Variants in SLC15A5 observed in about 807,000 individuals in gnomAD.
SLC15A5 encodes the protein solute carrier family 15 member 5, also known as Peptide/histidine transporter ENSP00000340402.
In SLC15A5, 58 loss-of-function variants were observed where a neutral mutation model predicts 56.1. The observed-to-expected ratio is 1.03, with a 90% CI of 0.84 to 1.29. SLC15A5 has a LOEUF of 1.29. Ranked by LOEUF, SLC15A5 falls within the 50% of genes most tolerant of loss-of-function variation. SLC15A5 has a pLI of 0.00. For synonymous variants in SLC15A5, 264 were observed against 250.5 expected, an observed-to-expected ratio of 1.05 and a Z score of -0.51; for missense variants, 681 against 672.1, an observed-to-expected ratio of 1.01 and a Z score of -0.15.
Position 16,224,432 on chromosome 12 carries a change from T to C in SLC15A5, c.1333A>G (p.Thr445Ala), listed in dbSNP as rs1367476491. Residue 445 changes from threonine to alanine, a missense_variant, in exon 6 of 9, where the codon ACA becomes GCA. By Grantham distance (58) the Thr-to-Ala change is moderately conservative. Coordinates refer to ENST00000344941, the MANE Select transcript of SLC15A5 (RefSeq NM_001170798.1). ...TACTCACGGGCTGGGTTTACCAGTG[T>C]TTCCGCCACTCCAAGTAAAACATAC... ...LQYVLLGVAE[T>A]LVNPALSVIS... The C allele has an allele frequency of 9.1e-6, 14 of 1,537,050 alleles. No individual in the cohort carries two copies. The highest frequency in any genetic ancestry group is 2.0e-5 in the Admixed American group (1 of 50,958).
intron 7 of SLC15A5, among the ~76,000 whole-genome samples, chr12:16,215,062 G>A (rs1474051081): frequency 1.3e-5 from 2 of 152,048 alleles, no homozygotes; most frequent in African/African-American, 4.8e-5. Flanking sequence ...AATTAGCTGG[G>A]TGTGGTGGTG....
intron 7 of SLC15A5, among the ~76,000 whole-genome samples, chr12:16,201,187 C>T (rs1354786822): frequency 1.3e-5 from 2 of 152,086 alleles, no homozygotes; most frequent in Non-Finnish European, 2.9e-5. Context: ...TAAAAAGAGA[C>T]ATTAAGATCC....
rs1370131148 is a variant in SLC15A5, at chr12:16,244,745, G to A, written c.810C>T (p.His270=). 1.3e-6 allele frequency: 2 copies of A among 1,537,602 alleles called. No homozygotes were observed. Among genetic ancestry groups the A allele is most frequent in the Admixed American group, 2.0e-5 (1 of 50,986 alleles). ...CTCTGCCAAGATGGCAGTATTGCGGGTGGCATGTTTTCAGTGCACTAACCA... is the reference window on the plus strand; with the variant it reads ...CTCTGCCAAGATGGCAGTATTGCGGATGGCATGTTTTCAGTGCACTAACCA... ...GVLVSALKTC[H]PQYCHLGRDV... is the part of the protein sequence containing the mutation. Residue 270 remains histidine (H), a synonymous_variant, in exon 4 of 9, where the codon CAC becomes CAT. Transcript: ENST00000344941.
chr12:16,227,413 G>A (rs1430156508), intron 5 of SLC15A5, among the ~76,000 whole-genome samples: 1 of 152,080 alleles, frequency 6.6e-6, no homozygotes, highest in Non-Finnish European at 1.5e-5. Flanking sequence ...GCACCGTGGG[G>A]GATAAAAGAT....
chr12:16,194,327 T>A lies in SLC15A5; in HGVS notation c.1592+18A>T. The A allele has an allele frequency of 1.3e-6, 2 of 1,490,810 alleles. No homozygotes were observed. Among genetic ancestry groups the A allele is most frequent in the Non-Finnish European group, 1.8e-6 (2 of 1,108,906 alleles). The allele number at this position is 1,490,810 out of a possible 1,614,324, so 92.3% of individuals were successfully genotyped here. ...TCATGGACTCAGAAATTTTTCATCT[T>A]ACCACACACTTACTTACCTTTGTGA... On this transcript the variant is annotated intron_variant, in intron 8 of 8. Coordinates refer to ENST00000344941, the MANE Select transcript of SLC15A5 (RefSeq NM_001170798.1).
At chr12:16,216,847 A>G in intron 7 of SLC15A5, 46 bp downstream of exon 7, 1 of 1,477,902 alleles carries the variant, frequency 6.8e-7, no homozygotes, top group Non-Finnish European at 8.9e-7. Context: ...CCCATTCCCT[A>G]GTCATCAACT....
chr12:16,261,533 A>G (rs1408839980), intron 2 of SLC15A5, among the ~76,000 whole-genome samples: 4 of 152,236 alleles, frequency 2.6e-5, no homozygotes, highest in Non-Finnish European at 5.9e-5. Context: ...CGCTGTTAAG[A>G]ACATTCATAT....
intron 5 of SLC15A5, 119 bp from the exon 6 acceptor site, chr12:16,224,721 T>A: frequency 1.8e-6 from 2 of 1,082,964 alleles, no homozygotes; most frequent in Non-Finnish European, 2.5e-6. Context: ...TGTTTGTTTT[T>A]ATTTTTTTTT....
At chr12:16,233,100 C>T (rs1002550586) in intron 5 of SLC15A5, among the ~76,000 whole-genome samples, 3 of 152,094 alleles carry the variant, frequency 2.0e-5, no homozygotes, top group Non-Finnish European at 4.4e-5. Flanking sequence ...TCTGTGAGTA[C>T]CTTCTAAGAT....
chr12:16,193,030 G>C (rs1010207621), intron 8 of SLC15A5, among the ~76,000 whole-genome samples: 1 of 152,018 alleles, frequency 6.6e-6, no homozygotes, highest in Non-Finnish European at 1.5e-5. Flanking sequence ...CTTACCATAG[G>C]ATACAAAATA....
At chr12:16,223,476 T>A (rs7316753) in intron 6 of SLC15A5, among the ~76,000 whole-genome samples, 1 of 152,168 alleles carries the variant, frequency 6.6e-6, no homozygotes, top group Non-Finnish European at 1.5e-5. Flanking sequence ...ACTGAAATAT[T>A]GTGATAAATT....
At chr12:16,200,588 C>T (rs142901901) in intron 7 of SLC15A5, among the ~76,000 whole-genome samples, 1 of 151,960 alleles carries the variant, frequency 6.6e-6, no homozygotes, top group Non-Finnish European at 1.5e-5. Context: ...ACAGAAGTTT[C>T]AATAACATTA....
intron 2 of SLC15A5, among the ~76,000 whole-genome samples, chr12:16,272,004 G>C (rs890156459): frequency 6.6e-6 from 1 of 152,102 alleles, no homozygotes; most frequent in Non-Finnish European, 1.5e-5. Flanking sequence ...TTTCATCTTT[G>C]CATCTTCTCT....
At chr12:16,246,183 A>G (rs950425017) in intron 3 of SLC15A5, among the ~76,000 whole-genome samples, 1 of 152,190 alleles carries the variant, frequency 6.6e-6, no homozygotes, top group Non-Finnish European at 1.5e-5. Flanking sequence ...ATAGGCTTAT[A>G]TCTATGGTCA....
At chr12:16,232,891 G>T (rs1864311341) in intron 5 of SLC15A5, among the ~76,000 whole-genome samples, 1 of 149,388 alleles carries the variant, frequency 6.7e-6, no homozygotes, top group African/African-American at 2.5e-5. Flanking sequence ...ACTTTAGCCT[G>T]AGCTACAGAG....
chr12:16,251,172 T>C (rs558844186), intron 3 of SLC15A5, among the ~76,000 whole-genome samples: 3 of 152,054 alleles, frequency 2.0e-5, no homozygotes, highest in East Asian at 3.9e-4. Flanking sequence ...CCAAAACTTA[T>C]GAGATGCAGC....
chr12:16,264,243 T>C (rs1247242587), intron 2 of SLC15A5, among the ~76,000 whole-genome samples: 2 of 152,210 alleles, frequency 1.3e-5, no homozygotes, highest in African/African-American at 4.8e-5. Context: ...ATGTGAGACA[T>C]GGAGTCAAAG....
At chr12:16,236,418 C>T (rs765885827) in intron 5 of SLC15A5, among the ~76,000 whole-genome samples, 3 of 152,196 alleles carry the variant, frequency 2.0e-5, no homozygotes, top group African/African-American at 4.8e-5. Context: ...TTGCCTTTCA[C>T]AGTCTTGGAA....
chr12:16,237,286 C>T lies in SLC15A5; in HGVS notation c.1162+2395G>A, dbSNP rs771457046. Among the ~76,000 whole-genome samples, 34 of 152,028 alleles carry T rather than the reference C, an allele frequency of 2.2e-4. No homozygotes were observed. The highest frequency in any genetic ancestry group is 5.1e-4 in the African/African-American group (21 of 41,412). On this transcript the variant is annotated intron_variant, in intron 5 of 8. Coordinates refer to ENST00000344941, the MANE Select transcript of SLC15A5 (RefSeq NM_001170798.1). The surrounding 1 kb of genome is among the most constrained non-coding windows in gnomAD (Gnocchi z 4.1). ...TTAAGCAAATATCTAGTTTAAAAGA[C>T]GCATATCATCGCACTTTTATATTCC...
Sources: gnomAD v4.1 joint callset for allele counts (sites outside exome capture counted in the v4.1 genomes callset) on GRCh38, gnomAD v4.1.1 for gene constraint, Gnocchi (gnomAD v3.1) non-coding constraint, MANE v1.5 for transcripts, NCBI Gene and HGNC (gene_info 2026-07-23, HGNC 2026-07-21) for gene names.